The following NCOA7 variants were observed in gnomAD, a reference collection of about 807,000 sequenced individuals.
NCOA7 encodes the protein nuclear receptor coactivator 7.
NCOA7 carries 45 observed loss-of-function variants against 104.3 expected under a neutral mutation model. That is an observed-to-expected ratio of 0.43 (90% confidence interval 0.34 to 0.55). The LOEUF (loss-of-function observed/expected upper bound fraction) is 0.55. NCOA7 is among the 20% of genes least tolerant of loss of function. The probability of loss-of-function intolerance (pLI) is 0.02; values close to 1 mark genes in which losing one functional copy is unlikely to be tolerated. For synonymous variants in NCOA7, 398 were observed against 402.3 expected (o/e 0.99, Z 0.13); for missense variants, 1,041 against 1,119.7 (o/e 0.93, Z 1.00).
chr6:125,887,574 T>C (rs1261984253), intron 8 of NCOA7, among the ~76,000 whole-genome samples: 1 of 152,190 alleles, frequency 6.6e-6, no homozygotes, highest in Non-Finnish European at 1.5e-5. Flanking sequence ...TAGGCTTTTA[T>C]TTTCTATTGG....
At chr6:125,826,575 G>A (rs1293906418) in intron 2 of NCOA7, among the ~76,000 whole-genome samples, 1 of 151,884 alleles carries the variant, frequency 6.6e-6, no homozygotes, top group African/African-American at 2.4e-5. Flanking sequence ...AAGAATTTAG[G>A]TAATATTCTT....
intron 2 of NCOA7, among the ~76,000 whole-genome samples, chr6:125,848,840 A>T (rs1256994025): frequency 1.3e-5 from 2 of 152,204 alleles, no homozygotes; most frequent in African/African-American, 4.8e-5. Flanking sequence ...ACTTTATTTT[A>T]AAATCAAATA....
At chr6:125,845,085 A>G (rs1378728989) in intron 2 of NCOA7, among the ~76,000 whole-genome samples, 1 of 152,180 alleles carries the variant, frequency 6.6e-6, no homozygotes, top group African/African-American at 2.4e-5. Context: ...TCAAACACAA[A>G]CGTTTCTGCC....
chr6:125,863,473 A>G (rs1449097410), intron 3 of NCOA7, among the ~76,000 whole-genome samples: 1 of 138,356 alleles, frequency 7.2e-6, no homozygotes, highest in Non-Finnish European at 1.5e-5. Flanking sequence ...ATTCACTTGC[A>G]TTATAAAAAA....
chr6:125,823,732 A>G (rs1236315219), intron 2 of NCOA7, among the ~76,000 whole-genome samples: 2 of 152,212 alleles, frequency 1.3e-5, no homozygotes, highest in African/African-American at 4.8e-5. Flanking sequence ...GGAACAGGCT[A>G]AGTTACTTAA....
chr6:125,874,838 C>T, intron 3 of NCOA7, 51 bp from the exon 4 acceptor site: 1 of 1,442,356 alleles, frequency 6.9e-7, no homozygotes, highest in East Asian at 2.3e-5. Flanking sequence ...TTTACCCTGG[C>T]TTCAGTCCCT....
At chr6:125,798,488 G>T (rs1194286083) in intron 1 of NCOA7, among the ~76,000 whole-genome samples, 1 of 152,092 alleles carries the variant, frequency 6.6e-6, no homozygotes, top group Non-Finnish European at 1.5e-5. Flanking sequence ...TATTATCAAG[G>T]GTGTTACTGT....
chr6:125,823,890 A>G (rs1001807025), intron 2 of NCOA7, among the ~76,000 whole-genome samples: 1 of 152,210 alleles, frequency 6.6e-6, no homozygotes, highest in Non-Finnish European at 1.5e-5. Context: ...AGAAAATATC[A>G]GAATGTGTTG....
chr6:125,898,779 C>G (rs1302660438), intron 10 of NCOA7, among the ~76,000 whole-genome samples: 2 of 152,020 alleles, frequency 1.3e-5, no homozygotes, highest in Non-Finnish European at 2.9e-5. Context: ...TATTCCTAAA[C>G]ATTAGTTGGA....
In NCOA7 at chr6:125,855,211, G is replaced by T. The variant is rs746636348; in HGVS notation, c.242G>T (p.Arg81Leu). ...RKSNQLKEIR[R>L]TELKRYYSID... is the part of the protein sequence containing the mutation. Reference sequence around the variant, plus strand: ...AGTAATCAGTTAAAGGAGATCAGGCGTACAGAACTAAAGAGATATTATAGT... The same window carrying T: ...AGTAATCAGTTAAAGGAGATCAGGCTTACAGAACTAAAGAGATATTATAGT... Residue 81 changes from arginine to leucine, a missense_variant, in exon 3 of 16, where the codon CGT (arginine) becomes CTT (leucine). This residue lies in a region of NCOA7 where 914 missense variants were observed against 942.7 expected (regional missense o/e 0.97). Coordinates refer to ENST00000392477, the MANE Select transcript of NCOA7 (RefSeq NM_181782.5). 6.2e-7 allele frequency: 1 copy of T among 1,611,374 alleles called. No homozygotes were observed. The highest frequency in any genetic ancestry group is 1.3e-5 in the African/African-American group (1 of 74,868).
intron 5 of NCOA7, among the ~76,000 whole-genome samples, chr6:125,880,314 C>T (rs1783714681): frequency 6.6e-6 from 1 of 152,038 alleles, no homozygotes; most frequent in Admixed American, 6.6e-5. Flanking sequence ...CTACCTGGCA[C>T]AGATATTAAG....
intron 1 of NCOA7, among the ~76,000 whole-genome samples, chr6:125,806,742 G>A (rs1776487964): frequency 6.6e-6 from 1 of 152,132 alleles, no homozygotes; most frequent in African/African-American, 2.4e-5. Flanking sequence ...TTCTGTAGGA[G>A]CAATATGAAT....
intron 2 of NCOA7, among the ~76,000 whole-genome samples, chr6:125,828,506 C>A (rs191607950): frequency 1.6e-4 from 25 of 152,128 alleles, no homozygotes; most frequent in African/African-American, 6.0e-4. Context: ...AATATTCAGG[C>A]CTTGGCAGGA....
At chr6:125,866,783 A>G (rs1782476761) in intron 3 of NCOA7, among the ~76,000 whole-genome samples, 1 of 152,142 alleles carries the variant, frequency 6.6e-6, no homozygotes, top group Non-Finnish European at 1.5e-5. Flanking sequence ...ATGTCACTGC[A>G]ATGTTTTAAT....
chr6:125,905,166 C>T (rs542812547), intron 10 of NCOA7, among the ~76,000 whole-genome samples: 15 of 152,012 alleles, frequency 9.9e-5, no homozygotes, highest in Admixed American at 6.5e-4. Flanking sequence ...AAGGTTAAAA[C>T]GGGTGATGAC....
rs1401034250 is a variant in NCOA7, at chr6:125,930,429, C to G, written c.*1658C>G. ...ATTGATTACCAGACTTTTATGAAAG[C>G]CAAAGACTGCTTGCTAGTAGGAAAA... On this transcript the variant is annotated 3_prime_UTR_variant, in exon 16 of 16. Transcript: ENST00000392477. 6.6e-6 allele frequency: 1 copy of G among 152,462 alleles called. No homozygotes were observed. The highest frequency in any genetic ancestry group is 6.6e-5 in the Admixed American group (1 of 15,256). The allele number at this position is 152,462 out of a possible 1,614,324, so 9.4% of individuals were successfully genotyped here. A position where few individuals can be genotyped will look rare whatever the true frequency, so the allele number is the denominator to read the frequency against.
intron 3 of NCOA7, among the ~76,000 whole-genome samples, chr6:125,862,037 CAAAAAAAAAAA>C (rs56389001): frequency 4.7e-5 from 3 of 63,778 alleles, no homozygotes; most frequent in Non-Finnish European, 7.7e-5. Context: ...AACTCTTTCT[CAAAAAAAAAAA>C]AAAAAAAAAA....
intron 1 of NCOA7, chr6:125,798,211 A>G (rs1032415546): frequency 6.6e-6 from 1 of 152,206 alleles, no homozygotes; most frequent in Non-Finnish European, 1.5e-5. Context: ...TGATGAGCCC[A>G]TGATCTCTGA....
intron 2 of NCOA7, among the ~76,000 whole-genome samples, chr6:125,853,842 G>C (rs750063411): frequency 6.6e-6 from 1 of 152,182 alleles, no homozygotes; most frequent in South Asian, 2.1e-4. Context: ...GGTTCAAGGC[G>C]TGAAATTCCT....
Sources: allele counts gnomAD v4.1 joint callset (sites outside exome capture counted in the v4.1 genomes callset), GRCh38; gene constraint gnomAD v4.1.1; regional missense constraint gnomAD v4.1.1; transcripts MANE v1.5; gene names NCBI Gene and HGNC (gene_info 2026-07-23, HGNC 2026-07-21).